The following INTS7 variants were observed in gnomAD, a reference collection of about 807,000 sequenced individuals.
The protein encoded by INTS7 is chromosome 1 open reading frame 73.
A neutral mutation model predicts 109.2 loss-of-function variants in INTS7; 46 were observed. That is an observed-to-expected ratio of 0.42 (90% CI 0.33 to 0.54). The LOEUF (loss-of-function observed/expected upper bound fraction) is 0.54, where lower values mean the gene tolerates loss of function less well. Among genes scored for constraint, INTS7 ranks in the 20% least tolerant of loss-of-function variants. INTS7 has a pLI of 0.07. For synonymous variants in INTS7, 412 were observed against 402.9 expected, an observed-to-expected ratio of 1.02 and a Z score of -0.27; for missense variants, 929 against 1,132.4, an observed-to-expected ratio of 0.82 and a Z score of 2.58.
intron 9 of INTS7, 32 bp from the exon 10 acceptor site, chr1:211,981,222 C>T (rs1293142705): frequency 7.2e-7 from 1 of 1,385,816 alleles, no homozygotes; most frequent in Admixed American, 1.7e-5. Flanking sequence ...TTATGATGGT[C>T]AAGTGATGTG....
chr1:212,031,724 C>T (rs1667174169), intron 1 of INTS7, among the ~76,000 whole-genome samples: 1 of 152,194 alleles, frequency 6.6e-6, no homozygotes, highest in Non-Finnish European at 1.5e-5. Context: ...GAATGGCTAT[C>T]ACATGAAGGA....
chr1:211,966,304 C>A (rs1444141167), intron 16 of INTS7, 126 bp downstream of exon 16: 1 of 523,034 alleles, frequency 1.9e-6, no homozygotes, highest in South Asian at 3.1e-5. Flanking sequence ...ACAAAAAATG[C>A]TGAAGAATTC....
intron 1 of INTS7, among the ~76,000 whole-genome samples, chr1:212,033,707 A>G (rs943196708): frequency 2.0e-5 from 3 of 152,156 alleles, no homozygotes; most frequent in African/African-American, 7.2e-5. Context: ...ACTCGTAGGG[A>G]TATTAGATAT....
Position 211,981,134 on chromosome 1 carries a change from A to G in INTS7, c.1189T>C (p.Cys397Arg), listed in dbSNP as rs930667069. Residue 397 changes from cysteine to arginine, a missense_variant, in exon 10 of 20, where the codon TGT (cysteine) becomes CGT (arginine). By Grantham distance (180) the Cys-to-Arg change is radical. Around this residue, in one of 2 missense-constraint regions of INTS7, gnomAD observed 787 missense variants for 901.1 expected, o/e 0.87. Transcript: ENST00000366994. ...GCACCTGGACTATCATCTTGACTACAAAGTACCAGTAGGGATTCCAGGCCA... is the reference window on the plus strand; with the variant it reads ...GCACCTGGACTATCATCTTGACTACGAAGTACCAGTAGGGATTCCAGGCCA... ...VFGLESLLVL[C>R]SQDDSPGAQA... 3.1e-6 allele frequency: 5 copies of G among 1,613,544 alleles called. No individual in the cohort carries two copies. Among genetic ancestry groups the G allele is most frequent in the Non-Finnish European group, 4.2e-6 (5 of 1,179,680 alleles).
At chr1:211,966,368 T>G in intron 16 of INTS7, 62 bp downstream of exon 16, 1 of 910,578 alleles carries the variant, frequency 1.1e-6, no homozygotes, top group Non-Finnish European at 1.8e-6. Context: ...CTTCTGATGA[T>G]TAGGTAAGAC....
At chr1:211,968,170 T>C (rs1202160353) in intron 14 of INTS7, among the ~76,000 whole-genome samples, 189 bp from the exon 15 acceptor site, 1 of 152,200 alleles carries the variant, frequency 6.6e-6, no homozygotes, top group East Asian at 1.9e-4. Context: ...AATGAAACTA[T>C]ACATGTTCAC....
intron 16 of INTS7, among the ~76,000 whole-genome samples, chr1:211,962,581 C>A (rs1416391504): frequency 1.3e-5 from 2 of 152,156 alleles, no homozygotes; most frequent in Non-Finnish European, 2.9e-5. Flanking sequence ...ATACATTGTT[C>A]TCATCATCAT....
At chr1:211,986,338 G>T (rs1664893315) in intron 8 of INTS7, among the ~76,000 whole-genome samples, 1 of 152,166 alleles carries the variant, frequency 6.6e-6, no homozygotes, top group Non-Finnish European at 1.5e-5. Context: ...AGTCAAAATG[G>T]TTGATTGACA....
chr1:212,009,488 C>T (rs968036696), intron 5 of INTS7, among the ~76,000 whole-genome samples: 1 of 152,102 alleles, frequency 6.6e-6, no homozygotes, highest in Non-Finnish European at 1.5e-5. Context: ...GTATTTATTC[C>T]CTGGTTCTCT....
intron 16 of INTS7, among the ~76,000 whole-genome samples, chr1:211,954,614 T>A (rs1558024094): frequency 6.6e-6 from 1 of 152,364 alleles, no homozygotes; most frequent in Non-Finnish European, 1.5e-5. Context: ...TTTCTACATA[T>A]GGCTAACCAG....
Position 212,007,418 on chromosome 1 carries a change from T to C in INTS7, c.588A>G (p.Lys196=), listed in dbSNP as rs368813295. The C allele has an allele frequency of 6.8e-6, 11 of 1,613,770 alleles. No homozygotes were observed. The highest frequency in any genetic ancestry group is 6.8e-6 in the Non-Finnish European group (8 of 1,179,816). Residue 196 remains lysine (K), a synonymous_variant, in exon 6 of 20, where the codon AAA becomes AAG. Coordinates refer to ENST00000366994, the MANE Select transcript of INTS7 (RefSeq NM_015434.4). ...GCATGTGCTGTAGAATGGGTATCAA[T>C]TTTAGCTTCAAGTCTACTGGTGTCG... ...GLATPVDLKL[K]LIPILQHMHH...
At chr1:212,027,843 T>TC (rs397759700) in intron 1 of INTS7, among the ~76,000 whole-genome samples, 11 of 151,926 alleles carry the variant, frequency 7.2e-5, no homozygotes, top group African/African-American at 2.7e-4. Context: ...CTTTTTTTTT[T>TC]CTTGAGACAG....
At chr1:212,026,081 G>A (rs1338499371) in intron 1 of INTS7, among the ~76,000 whole-genome samples, 2 of 152,068 alleles carry the variant, frequency 1.3e-5, no homozygotes, top group African/African-American at 2.4e-5. Context: ...CTCGGGAGGC[G>A]GAGGTTGCAG....
Position 211,981,191 on chromosome 1 carries a change from C to G in INTS7, c.1133-1G>C, listed in dbSNP as rs749459950. On this transcript the variant is annotated splice_acceptor_variant, in intron 9 of 19. Coordinates refer to ENST00000366994, the MANE Select transcript of INTS7 (RefSeq NM_015434.4). LOFTEE classifies it high-confidence loss of function. ...GCATCTTGTTCCAGTGCCAAAAGAT[C>G]TAGAAGAAAAACAGTAAACTTTATG... 1 of 1,603,174 alleles carries G rather than the reference C, an allele frequency of 6.2e-7. No homozygotes were observed. The highest frequency in any genetic ancestry group is 1.7e-5 in the Admixed American group (1 of 59,908).
intron 2 of INTS7, 118 bp downstream of exon 2, chr1:212,020,964 GT>G: frequency 1.1e-6 from 1 of 901,370 alleles, no homozygotes; most frequent in Non-Finnish European, 1.7e-6. Flanking sequence ...AGTCATGTGT[GT>G]CCACTAATGG....
chr1:211,954,204 A>C (rs1324723184), intron 16 of INTS7, among the ~76,000 whole-genome samples: 1 of 152,170 alleles, frequency 6.6e-6, no homozygotes, highest in Non-Finnish European at 1.5e-5. Flanking sequence ...TCTTCTTTTG[A>C]GAAGTGTCTG....
intron 1 of INTS7, among the ~76,000 whole-genome samples, chr1:212,025,290 A>G (rs1666869684): frequency 6.6e-6 from 1 of 152,166 alleles, no homozygotes; most frequent in Non-Finnish European, 1.5e-5. Context: ...AGGCAAAACT[A>G]TAGGGATAAA....
chr1:211,956,564 T>G (rs1663371252), intron 16 of INTS7, among the ~76,000 whole-genome samples: 1 of 152,232 alleles, frequency 6.6e-6, no homozygotes. Flanking sequence ...TTTTAATATC[T>G]GTAAGATTTG....
At chr1:211,945,070 T>C (rs997118583) in intron 18 of INTS7, 101 bp from the exon 19 acceptor site, 13 of 1,097,828 alleles carry the variant, frequency 1.2e-5, no homozygotes, top group African/African-American at 3.1e-5. Context: ...ACAAATTCGA[T>C]TGTGCACTCC....
Sources: gnomAD v4.1 joint callset for allele counts (sites outside exome capture counted in the v4.1 genomes callset) on GRCh38, gnomAD v4.1.1 for gene constraint, gnomAD v4.1.1 regional missense constraint, MANE v1.5 for transcripts, NCBI Gene and HGNC (gene_info 2026-07-23, HGNC 2026-07-21) for gene names.